The following HACD1 variants were observed in gnomAD, a reference collection of about 807,000 sequenced individuals.
The protein encoded by HACD1 is 3-hydroxyacyl-CoA dehydratase 1.
A neutral mutation model predicts 32.0 loss-of-function variants in HACD1; 41 were observed. The ratio of observed to expected loss-of-function variants is 1.28; its 90% CI spans 1.00 to 1.66. The LOEUF is 1.66. Ranked by LOEUF, HACD1 falls within the 40% of genes most tolerant of loss-of-function variation. The probability of loss-of-function intolerance (pLI) is 0.00; values close to 1 mark genes in which losing one functional copy is unlikely to be tolerated. For missense variants in HACD1, 396 were observed against 380.1 expected, an observed-to-expected ratio of 1.04 and a Z score of -0.35; for synonymous variants, 142 against 139.0, an observed-to-expected ratio of 1.02 and a Z score of -0.15.
At chr10:17,600,371 G>A (rs1030265515) in intron 4 of HACD1, among the ~76,000 whole-genome samples, 1 of 152,074 alleles carries the variant, frequency 6.6e-6, no homozygotes, top group Non-Finnish European at 1.5e-5. Flanking sequence ...ACGGAGTCTT[G>A]CTGTGTCACC....
chr10:17,604,804 C>T (rs529108886), intron 1 of HACD1, among the ~76,000 whole-genome samples: 1 of 152,324 alleles, frequency 6.6e-6, no homozygotes, highest in South Asian at 2.1e-4. Flanking sequence ...GTCCAGGGCT[C>T]AAGCGATCCT....
At chr10:17,606,333 T>C (rs1471695246) in intron 1 of HACD1, among the ~76,000 whole-genome samples, 3 of 152,254 alleles carry the variant, frequency 2.0e-5, no homozygotes, top group Admixed American at 6.5e-5. Context: ...ATACTACTTC[T>C]TACTCTTCCT....
intron 1 of HACD1, among the ~76,000 whole-genome samples, chr10:17,606,011 T>C (rs568836765): frequency 5.4e-5 from 8 of 149,194 alleles, no homozygotes; most frequent in Non-Finnish European, 8.9e-5. Context: ...ATCCCGTCTC[T>C]ACAAAAAAAA....
chr10:17,609,357 G>A (rs1354177850), intron 1 of HACD1, among the ~76,000 whole-genome samples: 1 of 151,952 alleles, frequency 6.6e-6, no homozygotes, highest in East Asian at 1.9e-4. Flanking sequence ...GTTTCACCGT[G>A]TTAGCCAGAA....
chr10:17,593,801 A>G (rs1362106776), intron 6 of HACD1, among the ~76,000 whole-genome samples: 1 of 152,254 alleles, frequency 6.6e-6, no homozygotes, highest in African/African-American at 2.4e-5. Flanking sequence ...TTTTCCAAGT[A>G]TATGCTTAAT....
chr10:17,613,080 G>A (rs1049041264), intron 1 of HACD1, among the ~76,000 whole-genome samples: 6 of 149,202 alleles, frequency 4.0e-5, no homozygotes, highest in East Asian at 1.9e-4. Flanking sequence ...ATACTATTCC[G>A]TTGCTTTGCA....
chr10:17,591,976 ATTTTTTTTT>A (rs71393019), intron 6 of HACD1, among the ~76,000 whole-genome samples: 1,855 of 96,990 alleles, frequency 0.019, 75 homozygotes, highest in African/African-American at 0.076. Flanking sequence ...CCAGCTACTG[ATTTTTTTTT>A]TTTTTTTTTT....
At chr10:17,594,152 C>T in intron 6 of HACD1, 53 bp downstream of exon 6, 1 of 1,271,676 alleles carries the variant, frequency 7.9e-7, no homozygotes, top group Non-Finnish European at 1.0e-6. Context: ...TATATCCTTT[C>T]AAAAATTTCC....
chr10:17,603,743 A>C lies in HACD1; in HGVS notation c.377T>G (p.Ile126Arg). ...AAACTCACCAATTAAACAGTGAACT[A>C]TCTGTAAGCAAATAGAAAAAAATCA... ...KFFQTFALLEIVHCLIGIVPT... is the reference protein window; with the variant it reads ...KFFQTFALLERVHCLIGIVPT... Residue 126 changes from isoleucine (I) to arginine (R), a missense_variant and splice_region_variant, in exon 3 of 7, where the codon ATA becomes AGA. Transcript: ENST00000361271. 4.4e-6 allele frequency: 7 copies of C among 1,595,358 alleles called. No homozygotes were observed. Among genetic ancestry groups the C allele is most frequent in the Non-Finnish European group, 6.0e-6 (7 of 1,164,512 alleles).
At chr10:17,595,822 C>CA (rs1366968027) in intron 5 of HACD1, among the ~76,000 whole-genome samples, 3 of 151,024 alleles carry the variant, frequency 2.0e-5, no homozygotes, top group Admixed American at 1.3e-4. Flanking sequence ...CCCCGTCTCA[C>CA]AAAAAAAAAT....
At chr10:17,603,774 T>C (rs372972462) in intron 2 of HACD1, 30 bp from the exon 3 acceptor site, 74 of 1,581,010 alleles carry the variant, frequency 4.7e-5, no homozygotes, top group Non-Finnish European at 6.1e-5. Flanking sequence ...AATCATTACG[T>C]CAATAATAGA....
intron 1 of HACD1, among the ~76,000 whole-genome samples, chr10:17,609,592 G>A (rs998112369): frequency 2.6e-5 from 4 of 152,086 alleles, no homozygotes; most frequent in African/African-American, 4.8e-5. Flanking sequence ...TGTACTTCTC[G>A]GAATGTCTAA....
Position 17,598,685 on chromosome 10 carries a change from A to G in HACD1, c.605+605T>C, listed in dbSNP as rs183540795. On this transcript the variant is annotated intron_variant, in intron 5 of 6. Coordinates refer to ENST00000361271, the MANE Select transcript of HACD1 (RefSeq NM_014241.4). ...TCCAAAGAGCAGTTTTGCTTTTATA[A>G]TAACTTTCTAAAACGTCAATTGCTC... 3.1e-3 allele frequency among the ~76,000 whole-genome samples: 469 copies of G among 152,348 alleles called. 2 individuals are homozygous for G. The highest frequency in any genetic ancestry group is 4.9e-3 in the Non-Finnish European group (334 of 68,034).
At chr10:17,614,949 T>G (rs1400910161) in intron 1 of HACD1, among the ~76,000 whole-genome samples, 1 of 151,862 alleles carries the variant, frequency 6.6e-6, no homozygotes, top group African/African-American at 2.4e-5. Flanking sequence ...AGACGGGGTT[T>G]CGCCGTGTTA....
chr10:17,606,626 A>G (rs987799610), intron 1 of HACD1, among the ~76,000 whole-genome samples: 10 of 152,244 alleles, frequency 6.6e-5, no homozygotes, highest in African/African-American at 2.2e-4. Context: ...TACTAACTGA[A>G]TCTGATGAAA....
chr10:17,614,318 T>G (rs1833037362), intron 1 of HACD1, among the ~76,000 whole-genome samples: 4 of 152,230 alleles, frequency 2.6e-5, no homozygotes, highest in Non-Finnish European at 4.4e-5. Flanking sequence ...GAGTGCAGAC[T>G]GGAGTGCAGT....
chr10:17,607,444 C>T (rs1273484045), intron 1 of HACD1, among the ~76,000 whole-genome samples: 1 of 152,100 alleles, frequency 6.6e-6, no homozygotes, highest in African/African-American at 2.4e-5. Context: ...ATTCAAAGTC[C>T]CCATATTTCT....
At chr10:17,591,399 G>A (rs1833926371) in intron 6 of HACD1, among the ~76,000 whole-genome samples, 1 of 152,202 alleles carries the variant, frequency 6.6e-6, no homozygotes, top group South Asian at 2.1e-4. Context: ...TGATCTAGAA[G>A]GCAGTGGGGT....
intron 1 of HACD1, among the ~76,000 whole-genome samples, chr10:17,604,312 C>T (rs1397279134): frequency 2.0e-5 from 3 of 151,882 alleles, no homozygotes; most frequent in African/African-American, 7.3e-5. Context: ...GGTGAAACCC[C>T]GTCTCTACTA....
Sources: gnomAD v4.1 joint callset for allele counts (sites outside exome capture counted in the v4.1 genomes callset) on GRCh38, gnomAD v4.1.1 for gene constraint, MANE v1.5 for transcripts, NCBI Gene and HGNC (gene_info 2026-07-23, HGNC 2026-07-21) for gene names.